LARS2: variants seen among roughly 807,000 people sequenced by gnomAD.
LARS2 encodes the protein leucine--tRNA ligase, mitochondrial.
In LARS2, 81 loss-of-function variants were observed where a neutral mutation model predicts 116.6. The observed-to-expected ratio is 0.69, with a 90% CI of 0.58 to 0.84. The LOEUF is 0.84. Ranked by LOEUF, LARS2 falls within the 40% of genes least tolerant of loss-of-function variation. LARS2 has a pLI of 0.00. For synonymous variants in LARS2, 396 were observed against 407.2 expected (o/e 0.97, Z 0.33); for missense variants, 968 against 1,114.5 (o/e 0.87, Z 1.87).
intron 10 of LARS2, chr3:45,484,058 T>TA (rs2125725405): frequency 9.7e-6 from 1 of 102,830 alleles, no homozygotes; most frequent in Admixed American, 9.9e-5. Flanking sequence ...AAAAAAAAAA[T>TA]TAGCTGGGTT....
chr3:45,446,221 G>A (rs1035783174), intron 6 of LARS2, among the ~76,000 whole-genome samples: 6 of 152,212 alleles, frequency 3.9e-5, no homozygotes, highest in African/African-American at 1.4e-4. Flanking sequence ...TTTATCAACT[G>A]TAAATTCTGT....
At chr3:45,478,407 A>G (rs531089192) in intron 10 of LARS2, among the ~76,000 whole-genome samples, 14 of 152,338 alleles carry the variant, frequency 9.2e-5, no homozygotes, top group Admixed American at 4.6e-4. Flanking sequence ...GGTACTATTA[A>G]TAGGGGAGCT....
chr3:45,481,144 T>C (rs1015080156), intron 10 of LARS2, among the ~76,000 whole-genome samples: 60 of 152,332 alleles, frequency 3.9e-4, no homozygotes, highest in African/African-American at 1.4e-3. Flanking sequence ...TGGAATCAAA[T>C]ATAATATTTG....
chr3:45,545,474 C>T (rs1700862412), intron 21 of LARS2, among the ~76,000 whole-genome samples: 1 of 152,210 alleles, frequency 6.6e-6, no homozygotes, highest in Non-Finnish European at 1.5e-5. Context: ...AGTGTTGAGT[C>T]CCAACCTGAC....
chr3:45,428,331 C>T (rs1361175398), intron 6 of LARS2, among the ~76,000 whole-genome samples: 4 of 147,592 alleles, frequency 2.7e-5, no homozygotes, highest in Admixed American at 6.9e-5. Context: ...GCAAGCTCCA[C>T]CTCCTAGGCT....
chr3:45,499,158 A>T (rs1700073649), intron 14 of LARS2, among the ~76,000 whole-genome samples: 1 of 152,004 alleles, frequency 6.6e-6, no homozygotes, highest in Non-Finnish European at 1.5e-5. Context: ...AAATTAACTG[A>T]TGGCCAGGTG....
At chr3:45,431,244 G>A (rs1195532044) in intron 6 of LARS2, among the ~76,000 whole-genome samples, 11 of 152,108 alleles carry the variant, frequency 7.2e-5, no homozygotes, top group Non-Finnish European at 1.6e-4. Flanking sequence ...ATAAATGTTT[G>A]TTGTTTAAGC....
At chr3:45,496,134 C>T (rs1700007274) in intron 13 of LARS2, 141 bp from the exon 14 acceptor site, 5 of 639,658 alleles carry the variant, frequency 7.8e-6, no homozygotes, top group Non-Finnish European at 1.4e-5. Flanking sequence ...GCTGGGATTA[C>T]AAGCGTGAGC....
At chr3:45,402,004 C>T (rs923155709) in intron 4 of LARS2, among the ~76,000 whole-genome samples, 11 of 152,152 alleles carry the variant, frequency 7.2e-5, no homozygotes, top group Non-Finnish European at 8.8e-5. Context: ...TATCCACCTA[C>T]GAAATATGGC....
chr3:45,428,239 G>GTTTTTTTTTTTTTTTTTTTT (rs35323496), intron 6 of LARS2, among the ~76,000 whole-genome samples: 1 of 84,190 alleles, frequency 1.2e-5, no homozygotes, highest in Non-Finnish European at 2.0e-5. Context: ...ATCTTAACCT[G>GTTTTTTTTTTTTTTTTTTTT]TTTTTTTTTT....
At chr3:45,508,933 G>C (rs762268862) in intron 15 of LARS2, among the ~76,000 whole-genome samples, 1 of 150,846 alleles carries the variant, frequency 6.6e-6, no homozygotes, top group Non-Finnish European at 1.5e-5. Flanking sequence ...TGGGACAAAT[G>C]TGGCCTTCAA....
chr3:45,436,138 T>C (rs1426729274), intron 6 of LARS2, among the ~76,000 whole-genome samples: 8 of 152,216 alleles, frequency 5.3e-5, no homozygotes, highest in Admixed American at 4.6e-4. Flanking sequence ...ACGGCTCATT[T>C]TGGGCACTGC....
At chr3:45,409,617 T>C (rs146428691) in intron 4 of LARS2, among the ~76,000 whole-genome samples, 1 of 152,248 alleles carries the variant, frequency 6.6e-6, no homozygotes, top group Admixed American at 6.5e-5. Flanking sequence ...CCCTTGACAG[T>C]GGTGAATCAT....
Position 45,464,769 on chromosome 3 carries a change from C to A in LARS2, c.750+5883C>A, listed in dbSNP as rs537144240. Among the ~76,000 whole-genome samples the A allele has an allele frequency of 3.3e-5, 5 of 152,324 alleles. No individual in the cohort carries two copies. In the South Asian group the frequency reaches 1.0e-3, roughly 32 times the overall value. ...TGGCAGAAGAGGCAAAATGACAGAA[C>A]TGAGAGGAGCAAGTGAGAAATGTTT... is the stretch of plus-strand genomic sequence containing the variant. On this transcript the variant is annotated intron_variant, in intron 8 of 21. Coordinates refer to ENST00000645846, the MANE Select transcript of LARS2 (RefSeq NM_015340.4).
At chr3:45,434,507 T>C (rs1239585011) in intron 6 of LARS2, among the ~76,000 whole-genome samples, 1 of 152,232 alleles carries the variant, frequency 6.6e-6, no homozygotes, top group Non-Finnish European at 1.5e-5. Context: ...AATTACTTGT[T>C]GAAGCATTTT....
At chr3:45,498,833 G>A (rs1012174490) in intron 14 of LARS2, among the ~76,000 whole-genome samples, 3 of 152,194 alleles carry the variant, frequency 2.0e-5, no homozygotes, top group African/African-American at 7.2e-5. Flanking sequence ...GGACCCAAGA[G>A]TATGAGAAAG....
intron 15 of LARS2, among the ~76,000 whole-genome samples, chr3:45,504,748 G>T (rs1271023611): frequency 1.3e-5 from 2 of 150,142 alleles, no homozygotes; most frequent in Admixed American, 6.6e-5. Context: ...CATTTTTAGT[G>T]TTTTTTTTGT....
chr3:45,441,696 C>G (rs1375124421), intron 6 of LARS2, among the ~76,000 whole-genome samples: 1 of 152,166 alleles, frequency 6.6e-6, no homozygotes, highest in East Asian at 1.9e-4. Context: ...CGTGCCTCAG[C>G]CTTCTTAGAC....
intron 8 of LARS2, among the ~76,000 whole-genome samples, chr3:45,462,846 A>G (rs1699356326): frequency 6.6e-6 from 1 of 152,248 alleles, no homozygotes; most frequent in Non-Finnish European, 1.5e-5. Flanking sequence ...TGAAAATTAC[A>G]GAGAACCCAG....
Sources: allele counts gnomAD v4.1 joint callset (sites outside exome capture counted in the v4.1 genomes callset), GRCh38; gene constraint gnomAD v4.1.1; transcripts MANE v1.5; gene names NCBI Gene and HGNC (gene_info 2026-07-23, HGNC 2026-07-21).